The following KCNIP4 variants were observed in gnomAD, a reference collection of about 807,000 sequenced individuals.
The protein encoded by KCNIP4 is Kv channel-interacting protein 4.
KCNIP4 carries 12 observed loss-of-function variants against 34.0 expected under a neutral mutation model. The ratio of observed to expected loss-of-function variants is 0.35; its 90% CI spans 0.23 to 0.57. The LOEUF (loss-of-function observed/expected upper bound fraction) is 0.57, where lower values mean the gene tolerates loss of function less well. Among genes scored for constraint, KCNIP4 ranks in the 20% least tolerant of loss-of-function variants. The probability of loss-of-function intolerance (pLI) is 0.83; values close to 1 mark genes in which losing one functional copy is unlikely to be tolerated. For synonymous variants in KCNIP4, 124 were observed against 102.2 expected, an observed-to-expected ratio of 1.21 and a Z score of -1.29; for missense variants, 238 against 311.7, an observed-to-expected ratio of 0.76 and a Z score of 1.78.
chr4:21,537,195 C>T (rs1737246972), intron 1 of KCNIP4, among the ~76,000 whole-genome samples: 1 of 152,180 alleles, frequency 6.6e-6, no homozygotes, highest in South Asian at 2.1e-4. Flanking sequence ...TTTGATTTCT[C>T]AGACTCTACA....
At chr4:21,935,196 C>T (rs1341026288) in intron 1 of KCNIP4, among the ~76,000 whole-genome samples, 1 of 152,070 alleles carries the variant, frequency 6.6e-6, no homozygotes, top group Non-Finnish European at 1.5e-5. Flanking sequence ...TCCACCAACA[C>T]CCTTCTCTAA....
intron 1 of KCNIP4, among the ~76,000 whole-genome samples, chr4:21,798,048 C>T (rs1318835050): frequency 2.6e-5 from 4 of 151,908 alleles, no homozygotes; most frequent in Non-Finnish European, 5.9e-5. Flanking sequence ...TACCAAAAAG[C>T]ATCTTATAGT....
At chr4:21,021,903 TA>T (rs1740099769) in intron 1 of KCNIP4, among the ~76,000 whole-genome samples, 1 of 148,650 alleles carries the variant, frequency 6.7e-6, no homozygotes, top group Non-Finnish European at 1.5e-5. Context: ...TAGTATAGTA[TA>T]GTATAGTACA....
At chr4:21,667,099 T>C (rs917223360) in intron 1 of KCNIP4, among the ~76,000 whole-genome samples, 1 of 152,114 alleles carries the variant, frequency 6.6e-6, no homozygotes, top group Non-Finnish European at 1.5e-5. Context: ...TGGAGAAACT[T>C]GAAGAGGAAA....
intron 1 of KCNIP4, among the ~76,000 whole-genome samples, chr4:21,562,580 G>C (rs936626551): frequency 1.3e-5 from 2 of 151,948 alleles, no homozygotes; most frequent in African/African-American, 4.8e-5. Context: ...TTTATTATCA[G>C]AACCAAATAA....
intron 1 of KCNIP4, among the ~76,000 whole-genome samples, chr4:21,126,512 A>C (rs532475021): frequency 1.5e-4 from 22 of 151,116 alleles, no homozygotes; most frequent in South Asian, 6.3e-4. Flanking sequence ...GATTTGAGCC[A>C]TTGTGTATCT....
intron 1 of KCNIP4, among the ~76,000 whole-genome samples, chr4:21,051,376 G>T (rs1338736564): frequency 1.3e-5 from 2 of 151,688 alleles, no homozygotes; most frequent in Non-Finnish European, 2.9e-5. Context: ...GAATTTTGAG[G>T]TTCATTTGTT....
At chr4:21,312,454 C>A (rs1407239451) in intron 1 of KCNIP4, among the ~76,000 whole-genome samples, 2 of 152,150 alleles carry the variant, frequency 1.3e-5, no homozygotes, top group Non-Finnish European at 2.9e-5. Context: ...CTGTGAGAAA[C>A]ACTGCATTAA....
intron 1 of KCNIP4, among the ~76,000 whole-genome samples, chr4:21,642,958 G>T (rs1431391199): frequency 6.6e-6 from 1 of 151,956 alleles, no homozygotes; most frequent in Non-Finnish European, 1.5e-5. Context: ...GACTACTAAA[G>T]GCCTAGATCC....
chr4:21,439,615 A>G (rs766944559), intron 1 of KCNIP4, among the ~76,000 whole-genome samples: 1 of 152,202 alleles, frequency 6.6e-6, no homozygotes, highest in Non-Finnish European at 1.5e-5. Flanking sequence ...AATGGCTGAT[A>G]AAGGCAGTGC....
intron 1 of KCNIP4, among the ~76,000 whole-genome samples, chr4:21,578,510 G>A (rs537983314): frequency 6.6e-6 from 1 of 151,988 alleles, no homozygotes; most frequent in Admixed American, 6.6e-5. Context: ...AAAGAAAAAC[G>A]GAGCAGGAGA....
intron 1 of KCNIP4, among the ~76,000 whole-genome samples, chr4:21,009,016 A>G (rs1738828138): frequency 6.6e-6 from 1 of 152,064 alleles, no homozygotes; most frequent in African/African-American, 2.4e-5. Flanking sequence ...TGCACTAGAA[A>G]AAAAATATCT....
chr4:20,916,985 TTA>T (rs1157104290), intron 1 of KCNIP4, among the ~76,000 whole-genome samples: 2 of 41,386 alleles, frequency 4.8e-5, no homozygotes, highest in Non-Finnish European at 8.5e-5. Context: ...CATCTTATGT[TTA>T]TATATATATA....
chr4:21,728,947 C>T (rs190543015), intron 1 of KCNIP4, among the ~76,000 whole-genome samples: 1 of 152,250 alleles, frequency 6.6e-6, no homozygotes, highest in East Asian at 1.9e-4. Context: ...CAGTTTCTTC[C>T]AATATGATGC....
rs141257805 is a variant in KCNIP4 at position 21,371,779 on chromosome 4, T to C, written c.62-489070A>G. 4.8e-5 allele frequency among the ~76,000 whole-genome samples: 7 copies of C among 147,364 alleles called. 2 individuals carry two copies. The highest frequency in any genetic ancestry group is 1.9e-4 in the African/African-American group (7 of 37,030). On this transcript the variant is annotated intron_variant, in intron 1 of 8. Transcript: ENST00000382152. Reference sequence around the variant, plus strand: ...GGAGGCTGATTATATTATGTAAATCTAAATATTGATCTCTAATATTCAAAT... The same window carrying C: ...GGAGGCTGATTATATTATGTAAATCCAAATATTGATCTCTAATATTCAAAT...
At chr4:21,063,741 T>C (rs1214016133) in intron 1 of KCNIP4, among the ~76,000 whole-genome samples, 1 of 152,096 alleles carries the variant, frequency 6.6e-6, no homozygotes, top group East Asian at 1.9e-4. Flanking sequence ...ACTCTAACTT[T>C]TATCAAAAAA....
At chr4:21,556,421 G>T (rs1246608858) in intron 1 of KCNIP4, among the ~76,000 whole-genome samples, 1 of 152,116 alleles carries the variant, frequency 6.6e-6, no homozygotes, top group Non-Finnish European at 1.5e-5. Flanking sequence ...CAAAGTCAAT[G>T]CTTCTATCTT....
At chr4:20,824,754 T>C (rs1423067752) in intron 3 of KCNIP4, among the ~76,000 whole-genome samples, 4 of 152,156 alleles carry the variant, frequency 2.6e-5, no homozygotes, top group African/African-American at 9.7e-5. Context: ...TATAATGACT[T>C]TGGAGATAGA....
chr4:21,468,304 C>T (rs903534531), intron 1 of KCNIP4, among the ~76,000 whole-genome samples: 53 of 152,170 alleles, frequency 3.5e-4, no homozygotes, highest in African/African-American at 1.2e-3. Flanking sequence ...GACCTGAGAT[C>T]AGGCCCTTGA....
Sources: allele counts gnomAD v4.1 joint callset (sites outside exome capture counted in the v4.1 genomes callset), GRCh38; gene constraint gnomAD v4.1.1; transcripts MANE v1.5; gene names NCBI Gene and HGNC (gene_info 2026-07-23, HGNC 2026-07-21).